The following POLN variants were observed in gnomAD, a reference collection of about 807,000 sequenced individuals.
POLN encodes DNA polymerase N.
In POLN, 108 loss-of-function variants were observed where a neutral mutation model predicts 113.5. The observed-to-expected ratio is 0.95, with a 90% CI of 0.81 to 1.12. The LOEUF (loss-of-function observed/expected upper bound fraction) is 1.12, where lower values mean the gene tolerates loss of function less well. POLN is among the 50% of genes most tolerant of loss of function. POLN has a pLI of 0.00. For synonymous variants in POLN, 386 were observed against 391.5 expected, an observed-to-expected ratio of 0.99 and a Z score of 0.17; for missense variants, 1,097 against 1,077.1, an observed-to-expected ratio of 1.02 and a Z score of -0.26.
rs888111148 is a variant in POLN, at chr4:2,125,713, T to C, written c.1982+2400A>G. ...CTGAGCGGAGATAACAATGGGTCTA[T>C]GTGTGTCCCGGGATCCATCCTGCGA... On this transcript the variant is annotated intron_variant, in intron 19 of 25. Coordinates refer to ENST00000511885, the MANE Select transcript of POLN (RefSeq NM_181808.4). Among the ~76,000 whole-genome samples the C allele has an allele frequency of 2.0e-5, 3 of 152,134 alleles. No individual in the cohort carries two copies. In the East Asian group the frequency reaches 5.8e-4, roughly 29 times the overall value.
At chr4:2,175,952 T>G (rs1732984301) in intron 9 of POLN, among the ~76,000 whole-genome samples, 1 of 152,120 alleles carries the variant, frequency 6.6e-6, no homozygotes, top group Non-Finnish European at 1.5e-5. Flanking sequence ...TCTGGTTGAG[T>G]GAAGCTATGT....
At chr4:2,212,182 T>G (rs1280498327) in intron 4 of POLN, among the ~76,000 whole-genome samples, 1 of 152,178 alleles carries the variant, frequency 6.6e-6, no homozygotes, top group Non-Finnish European at 1.5e-5. Flanking sequence ...CCTGCACCAC[T>G]TTCATACACA....
At position 2,161,462 on chromosome 4, in the gene POLN, GC is replaced by G. The variant is rs544567011; in HGVS notation, c.1555-2252del. ...GGGTCCCCCAGCAGTCAGCCCACCG[GC>G]GCTGCGCTCGATTTCTCACCCGGCC... is the stretch of plus-strand genomic sequence containing the variant. On this transcript the variant is annotated intron_variant, in intron 13 of 25. Coordinates refer to ENST00000511885, the MANE Select transcript of POLN (RefSeq NM_181808.4). 6.6e-5 allele frequency among the ~76,000 whole-genome samples: 10 copies of G among 152,366 alleles called. No homozygotes were observed. In the East Asian group the frequency reaches 1.7e-3, roughly 26 times the overall value.
rs754691451 is a variant in POLN, at chr4:2,193,212, C to T, written c.1013G>A (p.Trp338Ter). ...VLQFFGNDGS[W>*]KHVADFIGLD... ...TAAAAAATATAACTTACCATGCTTC[C>T]AACTGCCATCATTGCCAAAAAACTG... The change falls in exon 7 of 26, where the codon TGG becomes TAG. Residue 338 changes from tryptophan to a stop codon, truncating the protein, a stop_gained. Coordinates refer to ENST00000511885, the MANE Select transcript of POLN (RefSeq NM_181808.4). LOFTEE classifies it high-confidence loss of function. 1 of 1,595,186 alleles carries T rather than the reference C, an allele frequency of 6.3e-7. No homozygotes were observed. Among genetic ancestry groups the T allele is most frequent in the South Asian group, 1.1e-5 (1 of 89,522 alleles).
Position 2,170,696 on chromosome 4 carries a change from A to G in POLN, c.1537T>C (p.Ser513Pro). 1 of 1,613,808 alleles carries G rather than the reference A, an allele frequency of 6.2e-7. No individual in the cohort carries two copies. Among genetic ancestry groups the G allele is most frequent in the Middle Eastern group, 1.7e-4 (1 of 6,060 alleles). Reference protein sequence around the residue: ...LPRTGLQKYPSTSEAVLNALR... With the variant: ...LPRTGLQKYPPTSEAVLNALR... ...AACCTTACCACTGCTTCTGATGTAG[A>G]CGGGTATTTCTGCAACCCCGTTCTG... Residue 513 changes from serine (S) to proline (P), a missense_variant, in exon 13 of 26, where the codon TCT (serine) becomes CCT (proline). Coordinates refer to ENST00000511885, the MANE Select transcript of POLN (RefSeq NM_181808.4).
intron 16 of POLN, among the ~76,000 whole-genome samples, chr4:2,139,135 C>T (rs568524614): frequency 3.9e-5 from 6 of 152,144 alleles, no homozygotes; most frequent in East Asian, 3.9e-4. Flanking sequence ...GGGGACAAGC[C>T]GCAGGGTCAG....
rs192261447 is a variant in POLN, at chr4:2,159,545, G to A, written c.1555-334C>T. ...CTCGATAACTGCATAATTTCAGGGA[G>A]GGAGTAATGGATTACGAGTTTAAAA... On this transcript the variant is annotated intron_variant, in intron 13 of 25. Coordinates refer to ENST00000511885, the MANE Select transcript of POLN (RefSeq NM_181808.4). Among the ~76,000 whole-genome samples, 76 of 152,324 alleles carry A rather than the reference G, an allele frequency of 5.0e-4. 1 individual carries two copies. Among genetic ancestry groups the A allele is most frequent in the Admixed American group, 2.0e-3 (31 of 15,290 alleles).
chr4:2,207,755 T>C (rs917647180), intron 5 of POLN, among the ~76,000 whole-genome samples: 1 of 152,214 alleles, frequency 6.6e-6, no homozygotes, highest in Non-Finnish European at 1.5e-5. Flanking sequence ...GTGGAGAATT[T>C]GAAACCCTAG....
chr4:2,205,937 A>G (rs923410388), intron 5 of POLN, among the ~76,000 whole-genome samples: 2 of 152,100 alleles, frequency 1.3e-5, no homozygotes, highest in African/African-American at 4.8e-5. Flanking sequence ...AAGCCCACAT[A>G]GCCAAAGCAA....
intron 7 of POLN, among the ~76,000 whole-genome samples, chr4:2,182,557 G>C (rs1000335462): frequency 6.6e-6 from 1 of 152,104 alleles, no homozygotes; most frequent in African/African-American, 2.4e-5. Flanking sequence ...CCAGCCCCCA[G>C]AACTGTAAGA....
intron 13 of POLN, among the ~76,000 whole-genome samples, chr4:2,168,387 G>C (rs2108746020): frequency 6.6e-6 from 1 of 152,328 alleles, no homozygotes; most frequent in Middle Eastern, 3.4e-3. Flanking sequence ...TCTGAATCTT[G>C]AATTTGGCCA....
intron 20 of POLN, among the ~76,000 whole-genome samples, chr4:2,092,188 C>T (rs766630065): frequency 1.1e-4 from 16 of 152,122 alleles, no homozygotes; most frequent in Non-Finnish European, 2.2e-4. Context: ...GCGAGCCCCT[C>T]GGGAACAGGC....
chr4:2,210,264 T>A (rs1733957465), intron 4 of POLN, among the ~76,000 whole-genome samples: 1 of 151,872 alleles, frequency 6.6e-6, no homozygotes, highest in South Asian at 2.1e-4. Flanking sequence ...CTGTTGAAGA[T>A]CTTACTCTGT....
In POLN at chr4:2,157,552, T is replaced by C. The variant is rs550184706; in HGVS notation, c.1665+306A>G. On this transcript the variant is annotated intron_variant, in intron 15 of 25. Transcript: ENST00000511885. ...CAGCCTGGCCAACATAGTGAAACCCTGTCTACTAAAAATAGCAAAAATTAG... is the reference window on the plus strand; with the variant it reads ...CAGCCTGGCCAACATAGTGAAACCCCGTCTACTAAAAATAGCAAAAATTAG... Among the ~76,000 whole-genome samples the C allele has an allele frequency of 2.2e-4, 33 of 151,950 alleles. No homozygotes were observed. The East Asian group carries it at 6.2e-3, about 29-fold the overall frequency.
At chr4:2,227,894 A>C (rs1306506957) in intron 3 of POLN, 1 of 152,230 alleles carries the variant, frequency 6.6e-6, no homozygotes, top group South Asian at 2.1e-4. Flanking sequence ...ATTCAAAAAA[A>C]TATGGAATAA....
chr4:2,141,300 G>A (rs1173650072), intron 16 of POLN, among the ~76,000 whole-genome samples: 1 of 152,236 alleles, frequency 6.6e-6, no homozygotes, highest in Non-Finnish European at 1.5e-5. Context: ...CACTTGGTCA[G>A]TGTGGCATTC....
chr4:2,197,799 G>A (rs771015456), intron 6 of POLN, among the ~76,000 whole-genome samples: 1 of 152,192 alleles, frequency 6.6e-6, no homozygotes, highest in Non-Finnish European at 1.5e-5. Context: ...GGCTAGTAAC[G>A]GGGCCCAACT....
chr4:2,140,009 T>C (rs1348994949), intron 16 of POLN: 1 of 152,174 alleles, frequency 6.6e-6, no homozygotes, highest in African/African-American at 2.4e-5. Flanking sequence ...CACTTCCTAT[T>C]AGAACTCAAA....
intron 16 of POLN, among the ~76,000 whole-genome samples, chr4:2,145,204 G>A (rs545797785): frequency 1.3e-5 from 2 of 151,406 alleles, no homozygotes; most frequent in Non-Finnish European, 2.9e-5. Context: ...ACACATTATA[G>A]GCGAAAAAAA....
Sources: gnomAD v4.1 joint callset for allele counts (sites outside exome capture counted in the v4.1 genomes callset) on GRCh38, gnomAD v4.1.1 for gene constraint, MANE v1.5 for transcripts, NCBI Gene and HGNC (gene_info 2026-07-23, HGNC 2026-07-21) for gene names.